RABGAP1L: variants seen among roughly 807,000 people sequenced by gnomAD.
RABGAP1L encodes the protein RAB GTPase activating protein 1 like.
A neutral mutation model predicts 137.7 loss-of-function variants in RABGAP1L; 63 were observed. The observed-to-expected ratio is 0.46, with a 90% CI of 0.37 to 0.56. RABGAP1L has a LOEUF of 0.56. Among genes scored for constraint, RABGAP1L ranks in the 20% least tolerant of loss-of-function variants. The pLI, the probability that RABGAP1L is intolerant of heterozygous loss-of-function variation, is 0.00. For synonymous variants in RABGAP1L, 431 were observed against 433.7 expected, an observed-to-expected ratio of 0.99 and a Z score of 0.08; for missense variants, 1,095 against 1,244.0, an observed-to-expected ratio of 0.88 and a Z score of 1.80.
intron 12 of RABGAP1L, among the ~76,000 whole-genome samples, chr1:174,375,062 ATGTT>A (rs1292863068): frequency 6.6e-6 from 1 of 152,162 alleles, no homozygotes; most frequent in African/African-American, 2.4e-5. Flanking sequence ...CAAGGTGAGA[ATGTT>A]TGGGAAAGGA....
intron 13 of RABGAP1L, among the ~76,000 whole-genome samples, chr1:174,544,128 T>C (rs572081605): frequency 1.1e-4 from 17 of 152,328 alleles, no homozygotes; most frequent in Admixed American, 9.8e-4. Context: ...TTTCCTGAAT[T>C]TGAATGTTGG....
intron 13 of RABGAP1L, among the ~76,000 whole-genome samples, chr1:174,601,654 A>AAAAT (rs752049170): frequency 1.3e-5 from 2 of 152,298 alleles, no homozygotes; most frequent in East Asian, 1.9e-4. Flanking sequence ...ATTTAAAAAT[A>AAAAT]AAATAAATAA....
Position 174,648,161 on chromosome 1 carries a change from GATTC to G in RABGAP1L, c.1824+10677_1824+10680del, listed in dbSNP as rs565183664. On this transcript the variant is annotated intron_variant, in intron 14 of 25. Coordinates refer to ENST00000681986, the MANE Select transcript of RABGAP1L (RefSeq NM_001366446.1). ...AATCTTTTCAAAAAACCACCTCCTG[GATTC>G]ATTGAGTTTTTTTTGAAGGGTTTTT... Among the ~76,000 whole-genome samples, 384 of 151,936 alleles carry G rather than the reference GATTC, an allele frequency of 2.5e-3. 5 individuals carry two copies. Among genetic ancestry groups the G allele is most frequent in the African/African-American group, 8.8e-3 (364 of 41,400 alleles).
chr1:174,341,934 A>T (rs1029476112), intron 11 of RABGAP1L, among the ~76,000 whole-genome samples: 1 of 152,174 alleles, frequency 6.6e-6, no homozygotes, highest in Non-Finnish European at 1.5e-5. Flanking sequence ...TAAATGATGG[A>T]TAACTGAACT....
chr1:174,402,434 CTA>C lies in RABGAP1L; in HGVS notation c.1710+8291_1710+8292del, dbSNP rs150675628. Among the ~76,000 whole-genome samples the C allele has an allele frequency of 5.8e-3, 878 of 152,238 alleles. 8 individuals carry two copies. Among genetic ancestry groups the C allele is most frequent in the African/African-American group, 0.02 (838 of 41,530 alleles). The stretch of plus-strand genomic sequence containing the variant: ...GAAATGAAAATTTATAATTCAGAAA[CTA>C]TTCTATCAGGAAACACATATAAACC... On this transcript the variant is annotated intron_variant, in intron 13 of 25. Coordinates refer to ENST00000681986, the MANE Select transcript of RABGAP1L (RefSeq NM_001366446.1).
chr1:174,756,881 C>T, intron 18 of RABGAP1L: 1 of 629,456 alleles, frequency 1.6e-6, no homozygotes. Context: ...CTCTCGAAGG[C>T]ATCTGAAGCA....
intron 13 of RABGAP1L, among the ~76,000 whole-genome samples, chr1:174,629,664 A>T (rs1673185562): frequency 6.6e-6 from 1 of 152,104 alleles, no homozygotes; most frequent in Non-Finnish European, 1.5e-5. Flanking sequence ...CTGGGATTAC[A>T]GGCATGTGCT....
At chr1:174,510,642 C>A (rs1662245222) in intron 13 of RABGAP1L, among the ~76,000 whole-genome samples, 1 of 152,152 alleles carries the variant, frequency 6.6e-6, no homozygotes, top group Non-Finnish European at 1.5e-5. Flanking sequence ...GAAAAGGTTT[C>A]TCTCAGCTTT....
At chr1:174,546,910 A>T (rs1437810036) in intron 13 of RABGAP1L, among the ~76,000 whole-genome samples, 1 of 150,928 alleles carries the variant, frequency 6.6e-6, no homozygotes, top group Middle Eastern at 3.4e-3. Flanking sequence ...GGCACCTGTA[A>T]TCCCAGCTAC....
At chr1:174,718,055 C>T (rs559409572) in intron 17 of RABGAP1L, among the ~76,000 whole-genome samples, 2 of 152,316 alleles carry the variant, frequency 1.3e-5, no homozygotes, top group African/African-American at 4.8e-5. Context: ...CCACCTTTCT[C>T]AGTACCTCAG....
At chr1:174,170,525 A>C (rs1665271508) in intron 1 of RABGAP1L, among the ~76,000 whole-genome samples, 1 of 152,036 alleles carries the variant, frequency 6.6e-6, no homozygotes, top group Non-Finnish European at 1.5e-5. Flanking sequence ...AAATACAAAA[A>C]TTAACCAGGC....
chr1:174,944,365 C>T (rs1666403068), intron 19 of RABGAP1L, among the ~76,000 whole-genome samples: 1 of 151,510 alleles, frequency 6.6e-6, no homozygotes, highest in African/African-American at 2.4e-5. Context: ...AATTCAAGGC[C>T]AGGTGTAGTG....
chr1:174,659,643 A>G (rs757727941), intron 14 of RABGAP1L, among the ~76,000 whole-genome samples: 3 of 152,182 alleles, frequency 2.0e-5, no homozygotes, highest in Non-Finnish European at 4.4e-5. Context: ...CCATGCATTC[A>G]TTGATAATTT....
chr1:174,395,314 G>C (rs1456506006), intron 13 of RABGAP1L, among the ~76,000 whole-genome samples: 2 of 152,106 alleles, frequency 1.3e-5, no homozygotes, highest in African/African-American at 4.8e-5. Flanking sequence ...AGGTTATCTA[G>C]ATGTAACTTA....
chr1:174,447,890 G>GCCCCCCCCCCCCCCCCCCC (rs11321562), intron 13 of RABGAP1L, among the ~76,000 whole-genome samples: 2 of 69,566 alleles, frequency 2.9e-5, no homozygotes, highest in Non-Finnish European at 5.9e-5. Flanking sequence ...ACCCCTTACC[G>GCCCCCCCCCCCCCCCCCCC]CCCCCCCCCC....
At chr1:174,383,968 A>T (rs1686486300) in intron 12 of RABGAP1L, among the ~76,000 whole-genome samples, 1 of 152,084 alleles carries the variant, frequency 6.6e-6, no homozygotes, top group East Asian at 1.9e-4. Flanking sequence ...TGAAATTAAA[A>T]CCTGTATGTG....
At chr1:174,614,102 G>C (rs1671547009) in intron 13 of RABGAP1L, among the ~76,000 whole-genome samples, 1 of 152,150 alleles carries the variant, frequency 6.6e-6, no homozygotes, top group Admixed American at 6.5e-5. Context: ...CTGTCATTAT[G>C]ATGTTAGCTG....
At chr1:174,801,476 A>G (rs1385425847) in intron 18 of RABGAP1L, among the ~76,000 whole-genome samples, 2 of 152,212 alleles carry the variant, frequency 1.3e-5, no homozygotes, top group African/African-American at 4.8e-5. Flanking sequence ...ATGTATTTAC[A>G]TGCAAATATA....
intron 1 of RABGAP1L, among the ~76,000 whole-genome samples, chr1:174,177,355 A>C (rs1205061522): frequency 6.6e-6 from 1 of 151,948 alleles, no homozygotes; most frequent in African/African-American, 2.4e-5. Flanking sequence ...AATTTGTTTA[A>C]GTTTCTTGTA....
Sources: allele counts gnomAD v4.1 joint callset (sites outside exome capture counted in the v4.1 genomes callset), GRCh38; gene constraint gnomAD v4.1.1; transcripts MANE v1.5; gene names NCBI Gene and HGNC (gene_info 2026-07-23, HGNC 2026-07-21).